Variants in MACROD2 observed in about 807,000 individuals in gnomAD.
MACROD2 encodes the protein ADP-ribose glycohydrolase MACROD2.
Under a neutral mutation model 70.4 loss-of-function variants are expected in MACROD2, and 36 were observed. The ratio of observed to expected loss-of-function variants is 0.51; its 90% confidence interval spans 0.39 to 0.68. MACROD2 has a LOEUF of 0.68. Ranked by LOEUF, MACROD2 falls within the 30% of genes least tolerant of loss-of-function variation. MACROD2 has a pLI of 0.00. For missense variants in MACROD2, 496 were observed against 538.4 expected, an observed-to-expected ratio of 0.92 and a Z score of 0.78; for synonymous variants, 172 against 178.8, an observed-to-expected ratio of 0.96 and a Z score of 0.30.
At chr20:15,850,576 G>C (rs1453374718) in intron 8 of MACROD2, among the ~76,000 whole-genome samples, 4 of 152,174 alleles carry the variant, frequency 2.6e-5, no homozygotes, top group African/African-American at 9.7e-5. Flanking sequence ...TTCTCACATA[G>C]AAGGAGATCT....
At chr20:15,721,906 T>C (rs1223537709) in intron 8 of MACROD2, among the ~76,000 whole-genome samples, 1 of 152,198 alleles carries the variant, frequency 6.6e-6, no homozygotes, top group Non-Finnish European at 1.5e-5. Flanking sequence ...ACTACTGTCC[T>C]GACTTTTATA....
At chr20:14,425,622 C>T (rs2083924446) in intron 3 of MACROD2, among the ~76,000 whole-genome samples, 1 of 152,094 alleles carries the variant, frequency 6.6e-6, no homozygotes, top group South Asian at 2.1e-4. Context: ...ATCTGGTATT[C>T]CATCATTTTT....
chr20:15,277,885 T>C (rs2077407442), intron 6 of MACROD2, among the ~76,000 whole-genome samples: 1 of 152,092 alleles, frequency 6.6e-6, no homozygotes, highest in African/African-American at 2.4e-5. Context: ...TCCAAAGCAG[T>C]GGTGTTTCTG....
At chr20:14,514,774 T>C (rs562823748) in intron 4 of MACROD2, among the ~76,000 whole-genome samples, 3 of 152,032 alleles carry the variant, frequency 2.0e-5, no homozygotes, top group Admixed American at 1.3e-4. Context: ...AGACCTAGGA[T>C]ACAATGGATG....
At chr20:14,832,105 C>G (rs551818161) in intron 5 of MACROD2, among the ~76,000 whole-genome samples, 1 of 139,916 alleles carries the variant, frequency 7.1e-6, no homozygotes, top group South Asian at 2.4e-4. Context: ...TGCAGTGGCA[C>G]GATCTCGGCT....
intron 3 of MACROD2, among the ~76,000 whole-genome samples, chr20:14,166,755 A>C (rs1269379059): frequency 1.3e-5 from 2 of 151,318 alleles, no homozygotes; most frequent in African/African-American, 4.9e-5. Context: ...CTTTTGTATC[A>C]TTTCCCTTCT....
chr20:14,894,521 C>T (rs2073804356), intron 5 of MACROD2: 3 of 152,118 alleles, frequency 2.0e-5, no homozygotes, highest in African/African-American at 7.2e-5. Flanking sequence ...CTGTGCCTGG[C>T]TTTTACCTCT....
At chr20:14,891,908 C>A (rs2073765667) in intron 5 of MACROD2, among the ~76,000 whole-genome samples, 1 of 152,096 alleles carries the variant, frequency 6.6e-6, no homozygotes, top group Non-Finnish European at 1.5e-5. Context: ...CTCCTGTCCT[C>A]CCCTCTCTCC....
chr20:14,801,793 G>A (rs997518398), intron 5 of MACROD2, among the ~76,000 whole-genome samples: 5 of 151,980 alleles, frequency 3.3e-5, no homozygotes, highest in Non-Finnish European at 7.4e-5. Flanking sequence ...CTATGAAAAA[G>A]GAAAGTGAAA....
intron 3 of MACROD2, among the ~76,000 whole-genome samples, chr20:14,193,704 A>C (rs537509285): frequency 4.6e-5 from 7 of 152,204 alleles, no homozygotes; most frequent in Non-Finnish European, 1.0e-4. Flanking sequence ...TGATTGAAGC[A>C]GGGTGGGAAA....
chr20:15,562,350 A>T (rs1372158185), intron 8 of MACROD2, among the ~76,000 whole-genome samples: 1 of 152,174 alleles, frequency 6.6e-6, no homozygotes, highest in African/African-American at 2.4e-5. Flanking sequence ...ATGTGTGAAT[A>T]CAAAGTTAAT....
chr20:14,213,820 G>T (rs150334083), intron 3 of MACROD2, among the ~76,000 whole-genome samples: 2,056 of 151,990 alleles, frequency 0.014, 19 homozygotes, highest in South Asian at 0.036. Context: ...TAAATTAAAA[G>T]TTTTCTTTAT....
intron 4 of MACROD2, among the ~76,000 whole-genome samples, chr20:14,648,076 G>A (rs977348569): frequency 3.9e-5 from 6 of 152,058 alleles, no homozygotes; most frequent in South Asian, 2.1e-4. Flanking sequence ...GCCTAAATAC[G>A]GATGGTGGGT....
chr20:15,570,705 G>A (rs1750498498), intron 8 of MACROD2, among the ~76,000 whole-genome samples: 1 of 152,170 alleles, frequency 6.6e-6, no homozygotes, highest in Non-Finnish European at 1.5e-5. Context: ...GTTCATTCAA[G>A]TTTAGCAAAA....
chr20:15,820,175 C>T (rs921211077), intron 8 of MACROD2, among the ~76,000 whole-genome samples: 1 of 151,986 alleles, frequency 6.6e-6, no homozygotes, highest in African/African-American at 2.4e-5. Context: ...CCCCTCTGCC[C>T]GTCTTTTTTC....
intron 15 of MACROD2, among the ~76,000 whole-genome samples, chr20:15,998,334 C>T (rs1011674113): frequency 3.9e-5 from 6 of 152,014 alleles, no homozygotes; most frequent in African/African-American, 7.2e-5. Flanking sequence ...GGGAGGTTTT[C>T]GATTACTATT....
chr20:14,920,409 G>A (rs1201854288), intron 5 of MACROD2, among the ~76,000 whole-genome samples: 1 of 152,110 alleles, frequency 6.6e-6, no homozygotes, highest in Non-Finnish European at 1.5e-5. Flanking sequence ...AATGTAAATA[G>A]GCCAGAGGGT....
chr20:15,444,624 T>C (rs2046537973), intron 7 of MACROD2, among the ~76,000 whole-genome samples: 1 of 152,026 alleles, frequency 6.6e-6, no homozygotes, highest in African/African-American at 2.4e-5. Context: ...CCAAAGAACA[T>C]CGTGGAAGGA....
intron 2 of MACROD2, among the ~76,000 whole-genome samples, chr20:14,053,903 G>A (rs1293119712): frequency 6.6e-6 from 1 of 151,932 alleles, no homozygotes; most frequent in African/African-American, 2.4e-5. Flanking sequence ...GTAATATTAA[G>A]GATATTGATT....
Sources: gnomAD v4.1 joint callset for allele counts (sites outside exome capture counted in the v4.1 genomes callset) on GRCh38, gnomAD v4.1.1 for gene constraint, MANE v1.5 for transcripts, NCBI Gene and HGNC (gene_info 2026-07-23, HGNC 2026-07-21) for gene names.